LRRC41: variants seen among roughly 807,000 people sequenced by gnomAD.
LRRC41 encodes leucine-rich repeat-containing protein 41.
In LRRC41, 17 loss-of-function variants were observed where a neutral mutation model predicts 72.1. The ratio of observed to expected loss-of-function variants is 0.24; its 90% confidence interval spans 0.16 to 0.35. LRRC41 has a LOEUF of 0.35. Among genes scored for constraint, LRRC41 ranks in the 10% least tolerant of loss-of-function variants. The pLI, the probability that LRRC41 is intolerant of heterozygous loss-of-function variation, is 1.00. For missense variants in LRRC41, 759 were observed against 1,065.0 expected (o/e 0.71, Z 4.00); for synonymous variants, 427 against 431.0 (o/e 0.99, Z 0.11).
chr1:46,279,343 G>T lies in LRRC41; in HGVS notation c.2144-86C>A, dbSNP rs1410350372. 2 of 1,577,532 alleles carry T rather than the reference G, an allele frequency of 1.3e-6. No homozygotes were observed. Among genetic ancestry groups the T allele is most frequent in the Non-Finnish European group, 1.7e-6 (2 of 1,147,220 alleles). On this transcript the variant is annotated intron_variant, in intron 8 of 9. Transcript: ENST00000617190. This position sits in a 1 kb window ranked among gnomAD's most constrained non-coding sequence, Gnocchi z 4.5. Reference sequence around the variant, plus strand: ...AACCCAACTATGGCTGGCAGAACCAGCCCTGCTGGTTCCTGAAGCCCCAGC... The same window carrying T: ...AACCCAACTATGGCTGGCAGAACCATCCCTGCTGGTTCCTGAAGCCCCAGC...
intron 3 of LRRC41, among the ~76,000 whole-genome samples, chr1:46,288,512 T>G (rs905523102): frequency 6.6e-6 from 1 of 152,244 alleles, no homozygotes; most frequent in Non-Finnish European, 1.5e-5. Context: ...TTAAGCATGG[T>G]GCTCATTCAG....
Position 46,277,730 on chromosome 1 carries a change from G to GT in LRRC41, c.*1134dup. 1 of 1,455,604 alleles carries GT rather than the reference G, an allele frequency of 6.9e-7. No homozygotes were observed. Among genetic ancestry groups the GT allele is most frequent in the Non-Finnish European group, 9.6e-7 (1 of 1,045,762 alleles). The allele number at this position is 1,455,604 out of a possible 1,614,324, so 90.2% of individuals were successfully genotyped here. A position where few individuals can be genotyped will look rare whatever the true frequency, so the allele number is the denominator to read the frequency against. On this transcript the variant is annotated 3_prime_UTR_variant, in exon 10 of 10. Coordinates refer to ENST00000617190, the MANE Select transcript of LRRC41 (RefSeq NM_006369.5). Reference sequence around the variant, plus strand: ...CATCTCCTCTTCTCGGGTAGCTGTAGTTTCAACCCTTTGGTTTTCCTGCTC... The same window carrying GT: ...CATCTCCTCTTCTCGGGTAGCTGTAGTTTTCAACCCTTTGGTTTTCCTGCTC...
chr1:46,281,218 T>G lies in LRRC41; in HGVS notation c.1663A>C (p.Ile555Leu). ...RALPLLRVLS[I>L]RVDHPSQRDN... is the part of the protein sequence containing the mutation. ...CGCTGGCTTGGGTGGTCAACACGAATAGAGAGGACCCGTAGCAGGGGCAGT... is the reference window on the plus strand; with the variant it reads ...CGCTGGCTTGGGTGGTCAACACGAAGAGAGAGGACCCGTAGCAGGGGCAGT... Residue 555 changes from isoleucine to leucine, a missense_variant, in exon 5 of 10, where the codon ATT becomes CTT. Ile to Leu is a conservative substitution (Grantham distance 5, BLOSUM62 2). Transcript: ENST00000617190. 6.2e-7 allele frequency: 1 copy of G among 1,614,096 alleles called. No individual in the cohort carries two copies. The highest frequency in any genetic ancestry group is 1.1e-5 in the South Asian group (1 of 91,072).
In LRRC41 at chr1:46,278,174, G is replaced by A. The variant is rs772277170; in HGVS notation, c.*691C>T. ...CAGGGTGGAACCACTGCACTGATAA[G>A]TGGGGGCTCCGGGATGAGGTACTCC... On this transcript the variant is annotated 3_prime_UTR_variant, in exon 10 of 10. Coordinates refer to ENST00000617190, the MANE Select transcript of LRRC41 (RefSeq NM_006369.5). 1 of 1,613,856 alleles carries A rather than the reference G, an allele frequency of 6.2e-7. No homozygotes were observed. The highest frequency in any genetic ancestry group is 8.5e-7 in the Non-Finnish European group (1 of 1,179,908).
intron 1 of LRRC41, chr1:46,300,576 T>C: frequency 6.6e-6 from 1 of 152,422 alleles, no homozygotes; most frequent in Non-Finnish European, 1.5e-5. Context: ...CTCCTTCACT[T>C]CAGTCTCCAT....
rs76482706 is a variant in LRRC41, at chr1:46,296,046, C to G, written c.357+1517G>C. 5.5e-4 allele frequency among the ~76,000 whole-genome samples: 84 copies of G among 152,326 alleles called. 1 individual carries two copies. In the East Asian group the frequency reaches 0.014, roughly 25 times the overall value. On this transcript the variant is annotated intron_variant, in intron 3 of 9. Coordinates refer to ENST00000617190, the MANE Select transcript of LRRC41 (RefSeq NM_006369.5). Reference sequence around the variant, plus strand: ...GAAAGACTTTCTTATTCTCTTCTCTCTCAACCTTCTTACTATCCTCTATTA... The same window carrying G: ...GAAAGACTTTCTTATTCTCTTCTCTGTCAACCTTCTTACTATCCTCTATTA...
chr1:46,299,955 A>T (rs1661191950), intron 1 of LRRC41: 1 of 152,222 alleles, frequency 6.6e-6, no homozygotes, highest in African/African-American at 2.4e-5. Flanking sequence ...GATCATGCTT[A>T]TAATCTGTTT....
chr1:46,277,696 C>T lies in LRRC41; in HGVS notation c.*1169G>A. The T allele has an allele frequency of 8.5e-7, 1 of 1,179,182 alleles. No homozygotes were observed. Among genetic ancestry groups the T allele is most frequent in the East Asian group, 2.3e-5 (1 of 42,684 alleles). The allele number at this position is 1,179,182 out of a possible 1,614,324, so 73.0% of individuals were successfully genotyped here. ...TAGAGATAATGTTCTGGGACTCATA[C>T]TTTTTATTCATCTCCTCTTCTCGGG... On this transcript the variant is annotated 3_prime_UTR_variant, in exon 10 of 10. Coordinates refer to ENST00000617190, the MANE Select transcript of LRRC41 (RefSeq NM_006369.5).
Position 46,279,341 on chromosome 1 carries a change from CAGCCCTGCTGGTTCCTGA to C in LRRC41, c.2144-102_2144-85del, listed in dbSNP as rs1159358265. On this transcript the variant is annotated intron_variant, in intron 8 of 9. Transcript: ENST00000617190. The surrounding 1 kb of genome is among the most constrained non-coding windows in gnomAD (Gnocchi z 4.5). ...CCAACCCAACTATGGCTGGCAGAAC[CAGCCCTGCTGGTTCCTGA>C]AGCCCCAGCACAGAAATATCTGTAT... The C allele has an allele frequency of 6.3e-7, 1 of 1,579,820 alleles. No individual in the cohort carries two copies. Among genetic ancestry groups the C allele is most frequent in the African/African-American group, 1.3e-5 (1 of 74,214 alleles).
chr1:46,291,234 C>CT (rs1264239687), intron 3 of LRRC41, among the ~76,000 whole-genome samples: 2 of 152,058 alleles, frequency 1.3e-5, no homozygotes, highest in Admixed American at 6.6e-5. Flanking sequence ...CTGTTACTAG[C>CT]TTTTTTATAT....
At chr1:46,291,668 T>C (rs911239621) in intron 3 of LRRC41, among the ~76,000 whole-genome samples, 20 of 149,178 alleles carry the variant, frequency 1.3e-4, no homozygotes, top group African/African-American at 4.9e-4. Context: ...CAAGTGATTC[T>C]CCTGCCTCAG....
chr1:46,302,334 A>C lies in LRRC41; in HGVS notation c.199+790T>G. On this transcript the variant is annotated intron_variant, in intron 1 of 9. Transcript: ENST00000617190. This position sits in a 1 kb window ranked among gnomAD's most constrained non-coding sequence, Gnocchi z 4.7. ...TCATTCGAGCCTCCCTCGCTTGTTT[A>C]AGCCGCTCCGGGCCCCCCTCCACTC... 2 of 984,812 alleles carry C rather than the reference A, an allele frequency of 2.0e-6. No individual in the cohort carries two copies. The highest frequency in any genetic ancestry group is 3.5e-5 in the African/African-American group (2 of 57,142). The allele number at this position is 984,812 out of a possible 1,614,324, so 61.0% of individuals were successfully genotyped here.
At chr1:46,290,121 TC>T (rs1304162707) in intron 3 of LRRC41, among the ~76,000 whole-genome samples, 5 of 152,212 alleles carry the variant, frequency 3.3e-5, no homozygotes, top group Admixed American at 2.6e-4. Flanking sequence ...AAATGAAAAA[TC>T]ATGGACGAGG....
rs148912617 is a variant in LRRC41 at position 46,298,275 on chromosome 1, G to C, written c.286+9C>G. The C allele has an allele frequency of 3.6e-3, 5,693 of 1,560,054 alleles. 13 individuals are homozygous for C. Among genetic ancestry groups the C allele is most frequent in the Non-Finnish European group, 4.5e-3 (5,093 of 1,134,910 alleles). On this transcript the variant is annotated intron_variant, in intron 2 of 9. Transcript: ENST00000617190. Reference sequence around the variant, plus strand: ...TCATTGACTGAGAAAGAGACAGAAAGATACTCACCTTTCTTGAGGGCAGTT... The same window carrying C: ...TCATTGACTGAGAAAGAGACAGAAACATACTCACCTTTCTTGAGGGCAGTT...
chr1:46,281,483 C>G, intron 4 of LRRC41, 98 bp from the exon 5 acceptor site: 1 of 1,207,734 alleles, frequency 8.3e-7, no homozygotes, highest in Non-Finnish European at 1.2e-6. Context: ...ACTAGCAAAT[C>G]TCTTGGGCTT....
In LRRC41 at chr1:46,286,915, T is replaced by C. The variant is rs1417637586; in HGVS notation, c.358-416A>G. Among the ~76,000 whole-genome samples the C allele has an allele frequency of 6.6e-6, 1 of 152,034 alleles. No homozygotes were observed. Among genetic ancestry groups the C allele is most frequent in the Non-Finnish European group, 1.5e-5 (1 of 68,000 alleles). On this transcript the variant is annotated intron_variant, in intron 3 of 9. Coordinates refer to ENST00000617190, the MANE Select transcript of LRRC41 (RefSeq NM_006369.5). This position sits in a 1 kb window ranked among gnomAD's most constrained non-coding sequence, Gnocchi z 5.5. Reference sequence around the variant, plus strand: ...CTCACTGCAACCTCTGCCTCCCAGGTTCAAGTGATTCTCGTGCCTCAGCCT... The same window carrying C: ...CTCACTGCAACCTCTGCCTCCCAGGCTCAAGTGATTCTCGTGCCTCAGCCT...
At position 46,286,586 on chromosome 1, in the gene LRRC41, T is replaced by A; in HGVS notation, c.358-87A>T. The A allele has an allele frequency of 1.6e-6, 2 of 1,227,662 alleles. No homozygotes were observed. The highest frequency in any genetic ancestry group is 4.7e-5 in the East Asian group (2 of 42,456). The allele number at this position is 1,227,662 out of a possible 1,614,324, so 76.0% of individuals were successfully genotyped here. A position where few individuals can be genotyped will look rare whatever the true frequency, so the allele number is the denominator to read the frequency against. On this transcript the variant is annotated intron_variant, in intron 3 of 9. Transcript: ENST00000617190. This position sits in a 1 kb window ranked among gnomAD's most constrained non-coding sequence, Gnocchi z 5.5. ...TCTCTTCCAATAGCACACTATTTAC[T>A]GAGTCAGGCAACACTACAAATTCAT...
In LRRC41 at chr1:46,279,301, G is replaced by A. The variant is rs1660718237; in HGVS notation, c.2144-44C>T. 6.3e-7 allele frequency: 1 copy of A among 1,594,514 alleles called. No individual in the cohort carries two copies. The highest frequency in any genetic ancestry group is 8.5e-7 in the Non-Finnish European group (1 of 1,169,766). On this transcript the variant is annotated intron_variant, in intron 8 of 9. Transcript: ENST00000617190. The surrounding 1 kb of genome is among the most constrained non-coding windows in gnomAD (Gnocchi z 4.5). Reference sequence around the variant, plus strand: ...CGCCTATCACCTCCACCCAAGAACAGGGGACAAGGGTATCCCAACCCAACT... The same window carrying A: ...CGCCTATCACCTCCACCCAAGAACAAGGGACAAGGGTATCCCAACCCAACT...
chr1:46,283,940 G>A (rs545168697), intron 4 of LRRC41, among the ~76,000 whole-genome samples: 17 of 152,198 alleles, frequency 1.1e-4, no homozygotes, highest in Non-Finnish European at 2.2e-4. Flanking sequence ...CTGGGATTAC[G>A]GGCGTGAGCC....
Sources: gnomAD v4.1 joint callset for allele counts (sites outside exome capture counted in the v4.1 genomes callset) on GRCh38, gnomAD v4.1.1 for gene constraint, Gnocchi (gnomAD v3.1) non-coding constraint, MANE v1.5 for transcripts, NCBI Gene and HGNC (gene_info 2026-07-23, HGNC 2026-07-21) for gene names.